DRC8: variants seen among roughly 807,000 people sequenced by gnomAD.
DRC8 encodes the protein dynein regulatory complex protein 8.
the DRC8 span, chr1:245,030,564 C>T: frequency 2.6e-5 from 4 of 152,204 alleles, no homozygotes; most frequent in Non-Finnish European, 4.4e-5. Flanking sequence ...CAGGGGCTCT[C>T]GTATTTCAAG....
chr1:244,993,023 G>A, the DRC8 span, among the ~76,000 whole-genome samples: 1 of 152,170 alleles, frequency 6.6e-6, no homozygotes, highest in African/African-American at 2.4e-5. Flanking sequence ...CTCTCTATAG[G>A]CCACTTGACT....
chr1:244,990,269 A>G, the DRC8 span, among the ~76,000 whole-genome samples: 2 of 152,222 alleles, frequency 1.3e-5, no homozygotes, highest in East Asian at 1.9e-4. Context: ...GAGGCCATTC[A>G]TATAGCTTCC....
the DRC8 span, among the ~76,000 whole-genome samples, chr1:245,054,745 C>T: frequency 2.6e-5 from 4 of 152,320 alleles, no homozygotes; most frequent in Middle Eastern, 3.4e-3. Flanking sequence ...ACCGGATCCA[C>T]GTCTCCAGCC....
the DRC8 span, among the ~76,000 whole-genome samples, chr1:244,979,927 G>A: frequency 4.0e-5 from 6 of 150,812 alleles, no homozygotes; most frequent in South Asian, 2.1e-4. Flanking sequence ...TAACAAGGCC[G>A]GGTGCAGTGG....
At chr1:245,087,576 C>G in the DRC8 span, 1 of 1,161,910 alleles carries the variant, frequency 8.6e-7, no homozygotes, top group South Asian at 3.0e-5. Context: ...TATTTAAAAA[C>G]TATTCTTAAA....
chr1:245,063,846 C>T, the DRC8 span, among the ~76,000 whole-genome samples: 7 of 152,110 alleles, frequency 4.6e-5, no homozygotes, highest in South Asian at 2.1e-4. Context: ...CTCAGCCTCC[C>T]GAGTAGCTGG....
the DRC8 span, among the ~76,000 whole-genome samples, chr1:245,106,368 A>C: frequency 1.3e-5 from 2 of 152,232 alleles, no homozygotes. Context: ...TAGGGTTATA[A>C]GGAAAAAGAT....
the DRC8 span, among the ~76,000 whole-genome samples, chr1:244,979,158 G>C: frequency 3.2e-4 from 49 of 151,824 alleles, no homozygotes; most frequent in Non-Finnish European, 8.8e-5. Context: ...TTTGATGTCT[G>C]CTTCTCCTAG....
At chr1:245,045,539 T>C in the DRC8 span, among the ~76,000 whole-genome samples, 473 of 152,342 alleles carry the variant, frequency 3.1e-3, 1 homozygote, top group Non-Finnish European at 5.3e-3. Flanking sequence ...CAGTTTTCCA[T>C]TGGCCACTTC....
chr1:245,067,588 A>G, the DRC8 span, among the ~76,000 whole-genome samples: 2 of 152,288 alleles, frequency 1.3e-5, no homozygotes, highest in East Asian at 1.9e-4. Flanking sequence ...CCAAATCTCC[A>G]TCTTTCATTA....
At chr1:244,970,665 C>CG in the DRC8 span, 1 of 60,096 alleles carries the variant, frequency 1.7e-5, no homozygotes. Flanking sequence ...CGCCTCTCTC[C>CG]CCCGCCCCGC....
the DRC8 span, among the ~76,000 whole-genome samples, chr1:244,989,291 C>T: frequency 2.0e-5 from 3 of 152,070 alleles, no homozygotes; most frequent in Non-Finnish European, 4.4e-5. Context: ...TAATTTTTAC[C>T]TAATGTCCTT....
At chr1:245,085,329 G>A in the DRC8 span, among the ~76,000 whole-genome samples, 1 of 152,098 alleles carries the variant, frequency 6.6e-6, no homozygotes, top group African/African-American at 2.4e-5. Context: ...AATTGTTGAG[G>A]GCAAAGGTAA....
the DRC8 span, chr1:245,083,515 A>G: frequency 1.9e-6 from 3 of 1,592,542 alleles, no homozygotes; most frequent in Non-Finnish European, 2.6e-6. Flanking sequence ...ATGCATATAC[A>G]TATATATAAA....
the DRC8 span, among the ~76,000 whole-genome samples, chr1:245,034,483 C>A: frequency 6.6e-6 from 1 of 151,364 alleles, no homozygotes; most frequent in Admixed American, 6.6e-5. Flanking sequence ...CACCTGTAAT[C>A]CCATCTACTT....
chr1:245,064,817 T>C, the DRC8 span, among the ~76,000 whole-genome samples: 1 of 152,042 alleles, frequency 6.6e-6, no homozygotes. Context: ...ATCCTTTGTA[T>C]ATAAACATTA....
the DRC8 span, among the ~76,000 whole-genome samples, chr1:245,088,261 A>T: frequency 6.6e-6 from 1 of 151,950 alleles, no homozygotes; most frequent in Non-Finnish European, 1.5e-5. The surrounding 1 kb of genome is among the most constrained non-coding windows in gnomAD (Gnocchi z 4.6). Context: ...AAAGGGGAAG[A>T]TAAAGTAAAG....
the DRC8 span, among the ~76,000 whole-genome samples, chr1:244,991,754 T>G: frequency 1.3e-5 from 2 of 152,230 alleles, no homozygotes; most frequent in Non-Finnish European, 2.9e-5. Context: ...GTAAAGATCT[T>G]GATATTTATT....
the DRC8 span, among the ~76,000 whole-genome samples, chr1:245,107,616 T>A: frequency 1.3e-5 from 2 of 152,206 alleles, no homozygotes; most frequent in Non-Finnish European, 2.9e-5. Context: ...CTTTGCTGTC[T>A]GACGCAGCCT....
Sources: gnomAD v4.1 joint callset for allele counts (sites outside exome capture counted in the v4.1 genomes callset) on GRCh38, gnomAD v4.1.1 for gene constraint, Gnocchi (gnomAD v3.1) non-coding constraint, MANE v1.5 for transcripts, NCBI Gene and HGNC (gene_info 2026-07-23, HGNC 2026-07-21) for gene names.